The following SLC39A4 variants were observed in gnomAD, a reference collection of about 807,000 sequenced individuals.
SLC39A4 encodes zinc transporter ZIP4.
SLC39A4 carries 49 observed loss-of-function variants against 56.6 expected under a neutral mutation model. The observed-to-expected ratio is 0.87, with a 90% CI of 0.69 to 1.10. The LOEUF is 1.10. Among genes scored for constraint, SLC39A4 ranks in the 50% least tolerant of loss-of-function variants. SLC39A4 has a pLI of 0.00. For missense variants in SLC39A4, 993 were observed against 864.2 expected (o/e 1.15, Z -1.87); for synonymous variants, 540 against 420.4 (o/e 1.28, Z -3.48).
At position 144,415,083 on chromosome 8, in the gene SLC39A4, C is replaced by G. The variant is rs1822112979; in HGVS notation, c.695G>C (p.Gly232Ala). ...GTCACTGTGGGCCTCCCTGCCCACC[C>G]CCAGGCGCTGCATCAAGGCTGACAG... ...AELSALMQRL[G>A]VGREAHSDHS... Residue 232 changes from glycine to alanine, a missense_variant, in exon 4 of 12, where the codon GGG becomes GCG. Gly to Ala is a moderately conservative substitution (Grantham distance 60). Coordinates refer to ENST00000301305, the MANE Select transcript of SLC39A4 (RefSeq NM_130849.4). 1 of 1,611,610 alleles carries G rather than the reference C, an allele frequency of 6.2e-7. No individual in the cohort carries two copies. Among genetic ancestry groups the G allele is most frequent in the Non-Finnish European group, 8.5e-7 (1 of 1,179,942 alleles).
In SLC39A4 at chr8:144,416,620, C is replaced by G; in HGVS notation, c.170G>C (p.Cys57Ser). The G allele has an allele frequency of 6.3e-7, 1 of 1,599,048 alleles. No homozygotes were observed. The highest frequency in any genetic ancestry group is 1.1e-5 in the South Asian group (1 of 89,104). Reference sequence around the variant, plus strand: ...TACCTTTCCACACGGCCCGTTGGCGCAGTGCACACGGTCCGCCAGCGTATT... The same window carrying G: ...TACCTTTCCACACGGCCCGTTGGCGGAGTGCACACGGTCCGCCAGCGTATT... Reference protein sequence around the residue: ...LLNTLADRVHCANGPCGKCLS... With the variant: ...LLNTLADRVHSANGPCGKCLS... The change falls in exon 1 of 12, where the codon TGC becomes TCC. Residue 57 changes from cysteine to serine, a missense_variant. Transcript: ENST00000301305.
At position 144,416,650 on chromosome 8, in the gene SLC39A4, AG is replaced by A. The variant is rs1564711711; in HGVS notation, c.139del (p.Leu47CysfsTer2). 6.2e-7 allele frequency: 1 copy of A among 1,609,448 alleles called. No homozygotes were observed. The highest frequency in any genetic ancestry group is 1.1e-5 in the South Asian group (1 of 90,464). On this transcript the variant is annotated frameshift_variant, in exon 1 of 12. Transcript: ENST00000301305. LOFTEE classifies it high-confidence loss of function. ...GALDQEALGG[L>X]LNTLADRVHC... is the part of the protein sequence containing the mutation. ...CACACGGTCCGCCAGCGTATTTAAC[AG>A]GCCGCCCAGAGCCTCTTGATCCAGA...
intron 11 of SLC39A4, 42 bp downstream of exon 11, chr8:144,412,717 C>T (rs1554871877): frequency 2.5e-6 from 4 of 1,613,384 alleles, no homozygotes; most frequent in Non-Finnish European, 3.4e-6. Flanking sequence ...CTCCTCTGCT[C>T]AGCTCCCGGC....
chr8:144,413,255 C>G lies in SLC39A4; in HGVS notation c.1609G>C (p.Glu537Gln), dbSNP rs1554872232. 1 of 1,589,320 alleles carries G rather than the reference C, an allele frequency of 6.3e-7. No individual in the cohort carries two copies. ...CGCTCACCCAGCTCGTGTGGCAACT[C>G]GTGGCAGAACACGGCCAGCGAGGTG... ...LATSLAVFCHELPHELGDFAA... is the reference protein window; with the variant it reads ...LATSLAVFCHQLPHELGDFAA... Residue 537 changes from glutamate to glutamine, a missense_variant, in exon 10 of 12, where the codon GAG becomes CAG. By Grantham distance (29) the Glu-to-Gln change is conservative (BLOSUM62 2). Coordinates refer to ENST00000301305, the MANE Select transcript of SLC39A4 (RefSeq NM_130849.4).
chr8:144,416,673 C>T lies in SLC39A4; in HGVS notation c.117G>A (p.Leu39=). ...ACAGGCCGCCCAGAGCCTCTTGATC[C>T]AGAGCGCCCTGGCCAGAGGTGAGCA... ...LSLLTSGQGA[L]DQEALGGLLN... The change falls in exon 1 of 12, where the codon CTG becomes CTA. Residue 39 remains leucine (L), a synonymous_variant. Transcript: ENST00000301305. The T allele has an allele frequency of 6.2e-7, 1 of 1,611,820 alleles. No individual in the cohort carries two copies. The highest frequency in any genetic ancestry group is 8.5e-7 in the Non-Finnish European group (1 of 1,179,510).
Position 144,414,003 on chromosome 8 carries a change from G to A in SLC39A4, c.1242C>T (p.Phe414=), listed in dbSNP as rs1554872791. 3 of 1,607,010 alleles carry A rather than the reference G, an allele frequency of 1.9e-6. No individual in the cohort carries two copies. The highest frequency in any genetic ancestry group is 2.2e-5 in the South Asian group (2 of 89,956). ...GGAGATTGAAGAGGTTCTCAAACAG[G>A]AAGAAGGCGTAGAGCCCGGCCAGCA... ...LAMLAGLYAF[F]LFENLFNLLL... Residue 414 remains phenylalanine (F), a synonymous_variant, in exon 7 of 12, where the codon TTC becomes TTT. Coordinates refer to ENST00000301305, the MANE Select transcript of SLC39A4 (RefSeq NM_130849.4).
rs1370600212 is a variant in SLC39A4, at chr8:144,416,598, C to T, written c.192G>A (p.Lys64=). 6.3e-7 allele frequency: 1 copy of T among 1,580,410 alleles called. No individual in the cohort carries two copies. The highest frequency in any genetic ancestry group is 8.6e-7 in the Non-Finnish European group (1 of 1,164,636). Residue 64 remains lysine, a splice_region_variant and synonymous_variant, in exon 1 of 12, where the codon AAG becomes AAA. Coordinates refer to ENST00000301305, the MANE Select transcript of SLC39A4 (RefSeq NM_130849.4). ...RVHCANGPCG[K]CLSVEDALGL... ...GGGACCCGTCGGGTGGGGCTGTTAC[C>T]TTTCCACACGGCCCGTTGGCGCAGT...
chr8:144,413,585 T>A lies in SLC39A4; in HGVS notation c.1420-18A>T. The stretch of plus-strand genomic sequence containing the variant: ...TCCGCCACCTGGGAGGAGCCTTGAG[T>A]AAGTCCCGCCCGGAAGTGGAGGAGG... On this transcript the variant is annotated intron_variant, in intron 8 of 11. Transcript: ENST00000301305. The A allele has an allele frequency of 1.9e-6, 3 of 1,550,154 alleles. No individual in the cohort carries two copies. The highest frequency in any genetic ancestry group is 2.6e-6 in the Non-Finnish European group (3 of 1,147,128).
intron 10 of SLC39A4, 88 bp downstream of exon 10, chr8:144,413,149 C>CAA: frequency 6.8e-7 from 1 of 1,462,834 alleles, no homozygotes; most frequent in Non-Finnish European, 9.1e-7. Context: ...CCCCGCCCAT[C>CAA]TTCCAGGCCC....
rs782634787 is a variant in SLC39A4 at position 144,412,824 on chromosome 8, C to T, written c.1750G>A (p.Glu584Lys). The stretch of plus-strand genomic sequence containing the variant: ...ACTGCCAGGATCCAGGCCTCGCTCT[C>T]CTCGCTGACTCCAACCGCGAGTGCC... Reference protein sequence around the residue: ...YVALAVGVSEESEAWILAVAT... With the variant: ...YVALAVGVSEKSEAWILAVAT... The change falls in exon 11 of 12, where the codon GAG becomes AAG. Residue 584 changes from glutamate to lysine, a missense_variant. By Grantham distance (56) the Glu-to-Lys change is moderately conservative. Transcript: ENST00000301305. The T allele has an allele frequency of 2.5e-6, 4 of 1,612,920 alleles. No homozygotes were observed. The South Asian group carries it at 3.3e-5, about 13-fold the overall frequency.
In SLC39A4 at chr8:144,415,151, TCCGG is replaced by T. The variant is rs1554873477; in HGVS notation, c.668-45_668-42del. 5 of 1,612,654 alleles carry T rather than the reference TCCGG, an allele frequency of 3.1e-6. No homozygotes were observed. In the Middle Eastern group the frequency reaches 6.6e-4, roughly 213 times the overall value. On this transcript the variant is annotated intron_variant, in intron 3 of 11. Transcript: ENST00000301305. ...GTTGGCACCGCGAGTCTGTGTGGGCTCCGGCCCTGCCCCCCAGGGACGTGGAGGC... is the reference window on the plus strand; with the variant it reads ...GTTGGCACCGCGAGTCTGTGTGGGCTCCCTGCCCCCCAGGGACGTGGAGGC...
chr8:144,414,119 G>A (rs376300573), intron 6 of SLC39A4, 24 bp from the exon 7 acceptor site: 3 of 1,552,508 alleles, frequency 1.9e-6, no homozygotes, highest in East Asian at 2.4e-5. Context: ...GCGCTGGGCT[G>A]GGGGGGAGGT....
In SLC39A4 at chr8:144,412,797, C is replaced by T. The variant is rs532302355; in HGVS notation, c.1777G>A (p.Ala593Thr). ...GCTACGTAGAGGAACAGGCCGGTGG[C>T]CACTGCCAGGATCCAGGCCTCGCTC... ...EESEAWILAV[A>T]TGLFLYVALC... The change falls in exon 11 of 12, where the codon GCC becomes ACC. Residue 593 changes from alanine to threonine, a missense_variant. By Grantham distance (58) the Ala-to-Thr change is moderately conservative. Coordinates refer to ENST00000301305, the MANE Select transcript of SLC39A4 (RefSeq NM_130849.4). 5.3e-5 allele frequency: 85 copies of T among 1,613,146 alleles called. 1 individual carries two copies. In the South Asian group the frequency reaches 8.8e-4, roughly 17 times the overall value.
Position 144,412,607 on chromosome 8 carries a change from G to A in SLC39A4, c.1875C>T (p.Asn625=), listed in dbSNP as rs201646926. ...PRPWLLFLLH[N]VGLLGGWTVL... is the part of the protein sequence containing the mutation. ...CGGTCCAGCCGCCCAGCAGGCCCACGTTGTGCAGCAGGAAGAGGAGCCAGG... is the reference window on the plus strand; with the variant it reads ...CGGTCCAGCCGCCCAGCAGGCCCACATTGTGCAGCAGGAAGAGGAGCCAGG... Residue 625 remains asparagine (N), a synonymous_variant, in exon 12 of 12, where the codon AAC becomes AAT. Coordinates refer to ENST00000301305, the MANE Select transcript of SLC39A4 (RefSeq NM_130849.4). 8 of 1,614,174 alleles carry A rather than the reference G, an allele frequency of 5.0e-6. No individual in the cohort carries two copies. The highest frequency in any genetic ancestry group is 3.3e-5 in the Admixed American group (2 of 60,034).
intron 10 of SLC39A4, 39 bp from the exon 11 acceptor site, chr8:144,412,985 C>A: frequency 6.5e-7 from 1 of 1,549,934 alleles, no homozygotes; most frequent in Non-Finnish European, 8.7e-7. Context: ...GCCCTCCTAG[C>A]TACATGCCCC....
At position 144,412,484 on chromosome 8, in the gene SLC39A4, T is replaced by C. The variant is rs1554871746; in HGVS notation, c.*54A>G. On this transcript the variant is annotated 3_prime_UTR_variant, in exon 12 of 12. Coordinates refer to ENST00000301305, the MANE Select transcript of SLC39A4 (RefSeq NM_130849.4). Reference sequence around the variant, plus strand: ...ATAGGGGCTTCTGGTTTCTGGGCTGTAGGTTTGTGAGGTGTGGGATCTTAA... The same window carrying C: ...ATAGGGGCTTCTGGTTTCTGGGCTGCAGGTTTGTGAGGTGTGGGATCTTAA... 1.2e-6 allele frequency: 2 copies of C among 1,613,630 alleles called. No homozygotes were observed. The highest frequency in any genetic ancestry group is 1.7e-6 in the Non-Finnish European group (2 of 1,179,864).
At position 144,415,369 on chromosome 8, in the gene SLC39A4, A is replaced by G. The variant is rs2130801035; in HGVS notation, c.525T>C (p.Ala175=). ...QLLEEAVGAG[A]PGSAGGVLAA... ...CCAGGACGCCGCCAGCACTGCCCGG[A>G]GCCCCCGCCCCCACCGCCTCCTCCA... is the stretch of plus-strand genomic sequence containing the variant. The change falls in exon 3 of 12, where the codon GCT becomes GCC. Residue 175 remains alanine (A), a synonymous_variant. Coordinates refer to ENST00000301305, the MANE Select transcript of SLC39A4 (RefSeq NM_130849.4). 6.2e-7 allele frequency: 1 copy of G among 1,609,738 alleles called. No homozygotes were observed. The highest frequency in any genetic ancestry group is 1.3e-5 in the African/African-American group (1 of 74,938).
Position 144,415,248 on chromosome 8 carries a change from C to T in SLC39A4, c.646G>A (p.Glu216Lys), listed in dbSNP as rs200524049. The T allele has an allele frequency of 7.9e-5, 127 of 1,613,120 alleles. 1 individual carries two copies. In the East Asian group the frequency reaches 2.3e-3, roughly 29 times the overall value. ...VDFVFQQHSS[E>K]VPMTLAELSA... ...TCACCGGCCAGCGTCATAGGGACCT[C>T]GCTGCTGTGCTGCTGGAACACAAAG... is the stretch of plus-strand genomic sequence containing the variant. Residue 216 changes from glutamate to lysine, a missense_variant, in exon 3 of 12, where the codon GAG becomes AAG. Glu to Lys is a moderately conservative substitution (Grantham distance 56). Coordinates refer to ENST00000301305, the MANE Select transcript of SLC39A4 (RefSeq NM_130849.4).
chr8:144,413,113 C>G (rs541196718), intron 10 of SLC39A4, 124 bp downstream of exon 10: 2 of 1,484,116 alleles, frequency 1.3e-6, no homozygotes, highest in African/African-American at 2.8e-5. Flanking sequence ...CACCTGTTTC[C>G]GGTCTCCCCA....
Sources: gnomAD v4.1 joint callset for allele counts on GRCh38, gnomAD v4.1.1 for gene constraint, MANE v1.5 for transcripts, NCBI Gene and HGNC (gene_info 2026-07-23, HGNC 2026-07-21) for gene names.